Variants in SUCLA2 observed in about 807,000 individuals in gnomAD.
SUCLA2 encodes succinate--CoA ligase [ADP-forming] subunit beta, mitochondrial.
A neutral mutation model predicts 54.8 loss-of-function variants in SUCLA2; 30 were observed. That is an observed-to-expected ratio of 0.55 (90% CI 0.41 to 0.74). The LOEUF (loss-of-function observed/expected upper bound fraction) is 0.74, where lower values mean the gene tolerates loss of function less well. Ranked by LOEUF, SUCLA2 falls within the 30% of genes least tolerant of loss-of-function variation. The probability of loss-of-function intolerance (pLI) is 0.00; values close to 1 mark genes in which losing one functional copy is unlikely to be tolerated. For synonymous variants in SUCLA2, 172 were observed against 188.9 expected (o/e 0.91, Z 0.74); for missense variants, 476 against 562.9 (o/e 0.85, Z 1.56).
chr13:47,951,328 A>G (rs1417400221), intron 8 of SUCLA2, among the ~76,000 whole-genome samples: 1 of 14,682 alleles, frequency 6.8e-5, no homozygotes, highest in East Asian at 3.8e-3. Flanking sequence ...CCCCGCTCCC[A>G]AGAAAAAGCC....
In SUCLA2 at chr13:47,943,402, T is replaced by C. The variant is rs757151398; in HGVS notation, c.1361A>G (p.His454Arg). 4 of 1,613,888 alleles carry C rather than the reference T, an allele frequency of 2.5e-6. No individual in the cohort carries two copies. Among genetic ancestry groups the C allele is most frequent in the Non-Finnish European group, 2.5e-6 (3 of 1,179,852 alleles). ...TGGCAACTGAAATTTCACATCCACA[T>C]GTGCTTGCTTCGCTAAGGTCACTAT... ...SEIVTLAKQA[H>R]VDVKFQLPI Residue 454 changes from histidine (H) to arginine (R), a missense_variant, in exon 11 of 11, where the codon CAT (histidine) becomes CGT (arginine). By Grantham distance (29) the His-to-Arg change is conservative. Transcript: ENST00000646932.
At chr13:47,964,087 G>A (rs985512116) in intron 6 of SUCLA2, among the ~76,000 whole-genome samples, 15 of 152,126 alleles carry the variant, frequency 9.9e-5, no homozygotes, top group African/African-American at 3.1e-4. Context: ...AAGTGTAAAC[G>A]GTTGAATGAA....
chr13:47,945,192 T>C (rs1009793720), intron 10 of SUCLA2, among the ~76,000 whole-genome samples: 4 of 137,716 alleles, frequency 2.9e-5, no homozygotes, highest in African/African-American at 8.3e-5. Flanking sequence ...GAGGTTGCAG[T>C]GAGCCGAGAT....
chr13:47,945,940 C>G (rs1186456937), intron 10 of SUCLA2: 2 of 152,220 alleles, frequency 1.3e-5, no homozygotes, highest in African/African-American at 2.4e-5. Context: ...CTCTTGACAT[C>G]CAACAATCAA....
rs529719471 is a variant in SUCLA2 at position 47,989,070 on chromosome 13, G to A, written c.272-89C>T. ...TTATTTAACATACATATTGACAGGTGTTATTAAATCAAGTCTAATTTATTC... is the reference window on the plus strand; with the variant it reads ...TTATTTAACATACATATTGACAGGTATTATTAAATCAAGTCTAATTTATTC... On this transcript the variant is annotated intron_variant, in intron 2 of 10. Coordinates refer to ENST00000646932, the MANE Select transcript of SUCLA2 (RefSeq NM_003850.3). 2.4e-6 allele frequency: 3 copies of A among 1,262,444 alleles called. No homozygotes were observed. In the Admixed American group the frequency reaches 5.1e-5, roughly 22 times the overall value. The allele number at this position is 1,262,444 out of a possible 1,614,324, so 78.2% of individuals were successfully genotyped here. A position where few individuals can be genotyped will look rare whatever the true frequency, so the allele number is the denominator to read the frequency against.
intron 1 of SUCLA2, among the ~76,000 whole-genome samples, chr13:47,998,962 A>C: frequency 6.6e-6 from 1 of 152,228 alleles, no homozygotes; most frequent in African/African-American, 2.4e-5. Context: ...AAAAAGTCAT[A>C]CACTCAAATA....
intron 4 of SUCLA2, among the ~76,000 whole-genome samples, chr13:47,983,628 T>G (rs1566090252): frequency 6.6e-6 from 1 of 152,096 alleles, no homozygotes; most frequent in African/African-American, 2.4e-5. Context: ...TAGCTGGGAC[T>G]ACAGGCGCCT....
At chr13:48,000,759 T>G (rs1397308664) in intron 1 of SUCLA2, 1 of 766,856 alleles carries the variant, frequency 1.3e-6, no homozygotes, top group Non-Finnish European at 1.7e-6. Flanking sequence ...CATTCCCACC[T>G]ATGACAGCTC....
chr13:47,996,745 T>TA (rs895044279), intron 2 of SUCLA2, 98 bp downstream of exon 2: 674 of 1,122,730 alleles, frequency 6.0e-4, no homozygotes, highest in East Asian at 1.2e-3. Context: ...GTATTTTTTT[T>TA]AAAAAAAAGC....
chr13:47,983,528 C>A (rs1183077846), intron 4 of SUCLA2, among the ~76,000 whole-genome samples: 1 of 149,966 alleles, frequency 6.7e-6, no homozygotes, highest in Non-Finnish European at 1.5e-5. Context: ...CTCGCTCTGT[C>A]GCCCAGGCTG....
intron 4 of SUCLA2, among the ~76,000 whole-genome samples, chr13:47,978,761 T>A (rs1475492013): frequency 1.3e-5 from 2 of 152,090 alleles, no homozygotes; most frequent in African/African-American, 2.4e-5. Context: ...ATTTTTGCAA[T>A]CTATACATCT....
chr13:47,986,142 T>G (rs1481936226), intron 4 of SUCLA2, among the ~76,000 whole-genome samples: 1 of 149,040 alleles, frequency 6.7e-6, no homozygotes, highest in African/African-American at 2.5e-5. Flanking sequence ...GCCATTCTCC[T>G]GCCTCAGCCT....
At chr13:47,965,588 G>A (rs1949911846) in intron 6 of SUCLA2, 1 of 397,572 alleles carries the variant, frequency 2.5e-6, no homozygotes, top group African/African-American at 2.1e-5. Context: ...TTCCAGATCT[G>A]TTCCAGGTCA....
At chr13:47,991,256 CCTCTACA>C (rs1222671351) in intron 2 of SUCLA2, among the ~76,000 whole-genome samples, 14 of 152,274 alleles carry the variant, frequency 9.2e-5, no homozygotes, top group Admixed American at 2.0e-4. Flanking sequence ...CTTATAATAC[CCTCTACA>C]CTTTTTATCT....
At chr13:47,965,369 T>C (rs1221688570) in intron 6 of SUCLA2, among the ~76,000 whole-genome samples, 5 of 151,464 alleles carry the variant, frequency 3.3e-5, no homozygotes, top group African/African-American at 1.2e-4. Context: ...TTATCAATAC[T>C]GGAACAAACC....
intron 1 of SUCLA2, among the ~76,000 whole-genome samples, chr13:48,000,152 A>G (rs1252042870): frequency 6.6e-6 from 1 of 151,440 alleles, no homozygotes; most frequent in Non-Finnish European, 1.5e-5. Context: ...AAAAAAAAAA[A>G]GGTAGGGGCG....
At chr13:47,946,497 A>G (rs1395483128) in intron 10 of SUCLA2, among the ~76,000 whole-genome samples, 10 of 152,120 alleles carry the variant, frequency 6.6e-5, no homozygotes, top group Non-Finnish European at 1.5e-5. Context: ...GAAATATATA[A>G]AAGCTAGATT....
intron 5 of SUCLA2, among the ~76,000 whole-genome samples, chr13:47,972,922 TG>T (rs1949980095): frequency 6.6e-6 from 1 of 151,436 alleles, no homozygotes; most frequent in South Asian, 2.1e-4. Flanking sequence ...TAATTTTTTT[TG>T]TATTTTTAGT....
chr13:47,990,242 G>A (rs1950138588), intron 2 of SUCLA2, among the ~76,000 whole-genome samples: 1 of 152,158 alleles, frequency 6.6e-6, no homozygotes, highest in Non-Finnish European at 1.5e-5. Flanking sequence ...CAGCTACTTG[G>A]GAGGTTGAGG....
Sources: allele counts gnomAD v4.1 joint callset (sites outside exome capture counted in the v4.1 genomes callset), GRCh38; gene constraint gnomAD v4.1.1; transcripts MANE v1.5; gene names NCBI Gene and HGNC (gene_info 2026-07-23, HGNC 2026-07-21).